CENPE: variants seen among roughly 807,000 people sequenced by gnomAD.
CENPE encodes centromere-associated protein E.
A neutral mutation model predicts 336.1 loss-of-function variants in CENPE; 145 were observed. That is an observed-to-expected ratio of 0.43 (90% CI 0.38 to 0.50). The LOEUF (loss-of-function observed/expected upper bound fraction) is 0.50. Among genes scored for constraint, CENPE ranks in the 20% least tolerant of loss-of-function variants. The pLI is 0.00. For synonymous variants in CENPE, 1,013 were observed against 984.8 expected, an observed-to-expected ratio of 1.03 and a Z score of -0.54; for missense variants, 2,719 against 3,023.3, an observed-to-expected ratio of 0.90 and a Z score of 2.36.
At chr4:103,127,206 A>G (rs932064317) in intron 42 of CENPE, among the ~76,000 whole-genome samples, 34 of 152,102 alleles carry the variant, frequency 2.2e-4, no homozygotes, top group Admixed American at 1.6e-3. Context: ...GTAAAAAAAA[A>G]TCTTTGAAGA....
chr4:103,160,991 G>A, intron 20 of CENPE, 95 bp downstream of exon 20: 1 of 1,123,944 alleles, frequency 8.9e-7, no homozygotes, highest in South Asian at 1.7e-5. Flanking sequence ...AGAGTATAAT[G>A]AATTTTTAAT....
intron 21 of CENPE, 38 bp downstream of exon 21, chr4:103,160,587 T>C (rs1413785038): frequency 1.3e-6 from 2 of 1,547,974 alleles, no homozygotes; most frequent in East Asian, 4.6e-5. Flanking sequence ...AAGGTTTTTA[T>C]TTCAAAATAA....
At chr4:103,121,885 G>T (rs779939116) in intron 43 of CENPE, among the ~76,000 whole-genome samples, 4 of 151,786 alleles carry the variant, frequency 2.6e-5, no homozygotes, top group Non-Finnish European at 5.9e-5. Context: ...CCACTGAATT[G>T]AATGTTACTG....
intron 33 of CENPE, among the ~76,000 whole-genome samples, chr4:103,143,721 T>C (rs1752759832): frequency 6.6e-6 from 1 of 152,222 alleles, no homozygotes. Context: ...GTTAGAATTT[T>C]CCCTGTTTTT....
intron 13 of CENPE, among the ~76,000 whole-genome samples, chr4:103,177,479 C>T (rs1034100071): frequency 6.6e-6 from 1 of 151,682 alleles, no homozygotes; most frequent in African/African-American, 2.4e-5. Flanking sequence ...TTGACTCTCT[C>T]GGCAACCCTA....
intron 36 of CENPE, among the ~76,000 whole-genome samples, 180 bp downstream of exon 36, chr4:103,140,634 T>A (rs1190770837): frequency 1.3e-5 from 2 of 152,096 alleles, no homozygotes; most frequent in African/African-American, 4.8e-5. Flanking sequence ...TAAATCAATA[T>A]CACAAAAAGA....
rs555248050 is a variant in CENPE, at chr4:103,119,772, A to G, written c.7329+376T>C. Among the ~76,000 whole-genome samples the G allele has an allele frequency of 7.2e-5, 11 of 152,302 alleles. No homozygotes were observed. In the South Asian group the frequency reaches 1.0e-3, roughly 14 times the overall value. Reference sequence around the variant, plus strand: ...CCCCAAAACAGGTCAGATTCAGCCCATGGGATATCAGGTGGGACTCAGTAA... The same window carrying G: ...CCCCAAAACAGGTCAGATTCAGCCCGTGGGATATCAGGTGGGACTCAGTAA... On this transcript the variant is annotated intron_variant, in intron 44 of 48. Coordinates refer to ENST00000265148, the MANE Select transcript of CENPE (RefSeq NM_001813.3).
chr4:103,133,685 TA>T lies in CENPE; in HGVS notation c.6720+9del. On this transcript the variant is annotated intron_variant, in intron 41 of 48. Transcript: ENST00000265148. ...AAAATCTAACTAAATCCATTTAAAA[TA>T]AATTATACCTCAATATGTAGATCCA... 1 of 1,533,098 alleles carries T rather than the reference TA, an allele frequency of 6.5e-7. No homozygotes were observed. The highest frequency in any genetic ancestry group is 8.9e-7 in the Non-Finnish European group (1 of 1,117,668). 95.0% of individuals were successfully genotyped at this position (1,533,098 alleles called of 1,614,324 possible). A position where few individuals can be genotyped will look rare whatever the true frequency, so the allele number is the denominator to read the frequency against.
intron 39 of CENPE, among the ~76,000 whole-genome samples, chr4:103,138,048 C>T (rs528743638): frequency 1.3e-5 from 2 of 152,184 alleles, no homozygotes; most frequent in Admixed American, 6.5e-5. Flanking sequence ...ACTTTGTACT[C>T]GCTGTTCCCT....
chr4:103,125,866 CAAA>C (rs1314621341), intron 42 of CENPE, among the ~76,000 whole-genome samples: 1 of 48,040 alleles, frequency 2.1e-5, no homozygotes, highest in Non-Finnish European at 4.3e-5. Flanking sequence ...GACTCCATCT[CAAA>C]AAAAAAAAAA....
chr4:103,144,566 T>C lies in CENPE; in HGVS notation c.4910A>G (p.Asn1637Ser), dbSNP rs1752852564. Residue 1637 changes from asparagine to serine, a missense_variant, in exon 33 of 49, where the codon AAT becomes AGT. Transcript: ENST00000265148. ...TTCACACATTTTCTCCTGAGTCTCATTGACAGCTGTCATCTTAAGAAACTG... is the reference window on the plus strand; with the variant it reads ...TTCACACATTTTCTCCTGAGTCTCACTGACAGCTGTCATCTTAAGAAACTG... ...EYQFLKMTAV[N>S]ETQEKMCEIE... is the part of the protein sequence containing the mutation. 19 of 1,612,836 alleles carry C rather than the reference T, an allele frequency of 1.2e-5. No individual in the cohort carries two copies. The highest frequency in any genetic ancestry group is 4.0e-5 in the African/African-American group (3 of 74,922).
rs146979697 is a variant in CENPE at position 103,121,749 on chromosome 4, C to T, written c.7143+1122G>A. Among the ~76,000 whole-genome samples the T allele has an allele frequency of 2.8e-4, 42 of 151,752 alleles. No individual in the cohort carries two copies. In the East Asian group the frequency reaches 7.8e-3, roughly 28 times the overall value. On this transcript the variant is annotated intron_variant, in intron 43 of 48. Coordinates refer to ENST00000265148, the MANE Select transcript of CENPE (RefSeq NM_001813.3). ...AAAAACACTTTTTTTTTTGTAGAGA[C>T]AGGGTCTCACTATGTTGTCCAAGCT...
intron 40 of CENPE, among the ~76,000 whole-genome samples, chr4:103,134,146 T>C (rs1751857440): frequency 6.6e-6 from 1 of 152,200 alleles, no homozygotes; most frequent in Non-Finnish European, 1.5e-5. Flanking sequence ...GTCTTACAAG[T>C]ACTTCAAATT....
In CENPE at chr4:103,110,829, T is replaced by G; in HGVS notation, c.7723A>C (p.Ser2575Arg). ...CCGTATCATGTAAGCAGATCTTACC[T>G]TAACAATTCATTCTTTTGTTTTATT... ...QLIKQKNELL[S>R]NNQHLSNEVK... Residue 2575 changes from serine (S) to arginine (R), a missense_variant and splice_region_variant, in exon 47 of 49, where the codon AGC (serine) becomes CGC (arginine). By Grantham distance (110) the Ser-to-Arg change is moderately radical. This residue lies in a region of CENPE where 2,437 missense variants were observed against 2,513.3 expected (regional missense o/e 0.97). Coordinates refer to ENST00000265148, the MANE Select transcript of CENPE (RefSeq NM_001813.3). 2 of 1,593,586 alleles carry G rather than the reference T, an allele frequency of 1.3e-6. No homozygotes were observed. The highest frequency in any genetic ancestry group is 1.7e-6 in the Non-Finnish European group (2 of 1,170,716).
chr4:103,106,203 A>G lies in CENPE; in HGVS notation c.*19T>C, dbSNP rs1175885138. On this transcript the variant is annotated 3_prime_UTR_variant, in exon 49 of 49. Coordinates refer to ENST00000265148, the MANE Select transcript of CENPE (RefSeq NM_001813.3). ...CAAATAAGGAATGCTGGATCTCCAG[A>G]GAAGTGACAAAGAGGAGTCTACTGA... 1.3e-6 allele frequency: 2 copies of G among 1,503,462 alleles called. No individual in the cohort carries two copies. The highest frequency in any genetic ancestry group is 2.4e-5 in the East Asian group (1 of 42,076). The allele number at this position is 1,503,462 out of a possible 1,614,324, so 93.1% of individuals were successfully genotyped here.
intron 44 of CENPE, among the ~76,000 whole-genome samples, chr4:103,118,812 C>A (rs1201607487): frequency 6.6e-6 from 1 of 152,164 alleles, no homozygotes; most frequent in Non-Finnish European, 1.5e-5. Flanking sequence ...GTTTCCATCT[C>A]TCCCAGAATA....
chr4:103,153,297 C>A, intron 24 of CENPE, 47 bp from the exon 25 acceptor site: 2 of 1,296,632 alleles, frequency 1.5e-6, no homozygotes, highest in South Asian at 1.3e-5. Flanking sequence ...TAGTTAACAA[C>A]AACTTTAAAA....
chr4:103,171,841 C>T (rs1393394506), intron 16 of CENPE, among the ~76,000 whole-genome samples: 2 of 151,040 alleles, frequency 1.3e-5, no homozygotes, highest in African/African-American at 4.9e-5. Context: ...ATACAAAGAA[C>T]AATTATATGC....
At position 103,148,365 on chromosome 4, in the gene CENPE, T is replaced by C. The variant is rs72946152; in HGVS notation, c.3843+479A>G. The stretch of plus-strand genomic sequence containing the variant: ...TTTTCTATGTGTATAGATTGATTTC[T>C]CTTTCCATGATAAATTAGTGGTACC... On this transcript the variant is annotated intron_variant, in intron 28 of 48. Coordinates refer to ENST00000265148, the MANE Select transcript of CENPE (RefSeq NM_001813.3). Among the ~76,000 whole-genome samples, 1,521 of 152,330 alleles carry C rather than the reference T, an allele frequency of 1.0e-2. 30 individuals carry two copies. The highest frequency in any genetic ancestry group is 0.034 in the African/African-American group (1,432 of 41,568).
Sources: gnomAD v4.1 joint callset for allele counts (sites outside exome capture counted in the v4.1 genomes callset) on GRCh38, gnomAD v4.1.1 for gene constraint, gnomAD v4.1.1 regional missense constraint, MANE v1.5 for transcripts, NCBI Gene and HGNC (gene_info 2026-07-23, HGNC 2026-07-21) for gene names.